DGKG: variants seen among roughly 807,000 people sequenced by gnomAD.
DGKG encodes diacylglycerol kinase gamma.
Under a neutral mutation model 105.3 loss-of-function variants are expected in DGKG, and 78 were observed. The observed-to-expected ratio is 0.74, with a 90% CI of 0.62 to 0.89. The LOEUF (loss-of-function observed/expected upper bound fraction) is 0.89, where lower values mean the gene tolerates loss of function less well. Among genes scored for constraint, DGKG ranks in the 40% least tolerant of loss-of-function variants. The pLI, the probability that DGKG is intolerant of heterozygous loss-of-function variation, is 0.00. For synonymous variants in DGKG, 346 were observed against 367.1 expected (o/e 0.94, Z 0.66); for missense variants, 958 against 1,020.1 (o/e 0.94, Z 0.83).
At chr3:186,317,467 C>T (rs748867292) in intron 2 of DGKG, among the ~76,000 whole-genome samples, 87 of 152,316 alleles carry the variant, frequency 5.7e-4, no homozygotes, top group Middle Eastern at 3.4e-3. Context: ...GCAGGATTCC[C>T]CAGGATGGGG....
At chr3:186,355,635 C>T (rs1388499977) in intron 1 of DGKG, among the ~76,000 whole-genome samples, 8 of 151,716 alleles carry the variant, frequency 5.3e-5, no homozygotes. Context: ...ACTGCCACCA[C>T]TATCACCAGC....
chr3:186,222,001 G>A lies in DGKG; in HGVS notation c.1827-10116C>T, dbSNP rs542228209. ...GCTGCTTTATGCACCCAAGGGTCGC[G>A]CTCTTTTGATCCTCACGTCTACCCC... On this transcript the variant is annotated intron_variant, in intron 20 of 24. Coordinates refer to ENST00000265022, the MANE Select transcript of DGKG (RefSeq NM_001346.3). Among the ~76,000 whole-genome samples the A allele has an allele frequency of 2.6e-5, 4 of 152,296 alleles. No individual in the cohort carries two copies. The East Asian group carries it at 7.7e-4, about 29-fold the overall frequency.
At chr3:186,331,983 T>G (rs1486623482) in intron 1 of DGKG, among the ~76,000 whole-genome samples, 1 of 144,870 alleles carries the variant, frequency 6.9e-6, no homozygotes, top group Non-Finnish European at 1.5e-5. Context: ...TAGTAAATGA[T>G]GAGACTGTAT....
intron 9 of DGKG, among the ~76,000 whole-genome samples, chr3:186,276,510 G>A (rs1226345082): frequency 6.6e-6 from 1 of 152,184 alleles, no homozygotes; most frequent in African/African-American, 2.4e-5. Context: ...AGATGAAAGA[G>A]TTTAGTAAAA....
chr3:186,305,597 G>A (rs1724197053), intron 3 of DGKG, among the ~76,000 whole-genome samples: 1 of 152,194 alleles, frequency 6.6e-6, no homozygotes, highest in Non-Finnish European at 1.5e-5. Flanking sequence ...TGCTCAGGAT[G>A]TGTGTGAAGA....
chr3:186,322,752 C>T (rs530402543), intron 1 of DGKG, among the ~76,000 whole-genome samples: 2 of 152,224 alleles, frequency 1.3e-5, no homozygotes, highest in South Asian at 2.1e-4. Flanking sequence ...TATTCAGATG[C>T]CTTAATCCAG....
chr3:186,242,444 G>T, intron 20 of DGKG, 60 bp downstream of exon 20: 1 of 1,432,914 alleles, frequency 7.0e-7, no homozygotes, highest in Non-Finnish European at 9.5e-7. Flanking sequence ...CAGGTGAAAG[G>T]CCTCTGTTCC....
chr3:186,307,815 T>C (rs192324964), intron 2 of DGKG, among the ~76,000 whole-genome samples: 2 of 151,802 alleles, frequency 1.3e-5, no homozygotes, highest in Non-Finnish European at 2.9e-5. Flanking sequence ...TCCTTGGTGC[T>C]GAAACACTGT....
intron 1 of DGKG, among the ~76,000 whole-genome samples, chr3:186,322,172 G>A (rs1725111816): frequency 6.6e-6 from 1 of 152,122 alleles, no homozygotes; most frequent in Admixed American, 6.5e-5. Flanking sequence ...TATAGAATCA[G>A]CCTAAATGCC....
chr3:186,219,853 T>C (rs1273718289), intron 20 of DGKG, among the ~76,000 whole-genome samples: 1 of 152,196 alleles, frequency 6.6e-6, no homozygotes, highest in Non-Finnish European at 1.5e-5. Context: ...GTCATTTCCA[T>C]GTGTGAGAAA....
rs570254450 is a variant in DGKG at position 186,354,791 on chromosome 3, A to G, written c.-249+7155T>C. Among the ~76,000 whole-genome samples the G allele has an allele frequency of 2.3e-4, 35 of 152,322 alleles. No individual in the cohort carries two copies. In the South Asian group the frequency reaches 7.3e-3, roughly 32 times the overall value. On this transcript the variant is annotated intron_variant, in intron 1 of 24. Transcript: ENST00000265022. ...AGCTTCTTCAGAAAAGGAAGTGAAA[A>G]GAGGAGTTATGCCCTGGAGAAGGCA...
chr3:186,253,651 A>G (rs558556134), intron 17 of DGKG, among the ~76,000 whole-genome samples: 1 of 152,340 alleles, frequency 6.6e-6, no homozygotes, highest in East Asian at 1.9e-4. Context: ...AACACGCTCA[A>G]TCTCATCTGA....
Position 186,164,852 on chromosome 3 carries a change from C to T in DGKG, c.2216+46G>A, listed in dbSNP as rs752335112. On this transcript the variant is annotated intron_variant, in intron 23 of 24. Coordinates refer to ENST00000265022, the MANE Select transcript of DGKG (RefSeq NM_001346.3). Reference sequence around the variant, plus strand: ...TCTCAGTTGTCTGCATGAATGTGTACGCAGGCGGGGAGATGCAGAGGCTGT... The same window carrying T: ...TCTCAGTTGTCTGCATGAATGTGTATGCAGGCGGGGAGATGCAGAGGCTGT... 1.5e-5 allele frequency: 24 copies of T among 1,577,354 alleles called. No homozygotes were observed. In the South Asian group the frequency reaches 1.9e-4, roughly 12 times the overall value.
chr3:186,208,136 G>A (rs1317423146), intron 21 of DGKG, among the ~76,000 whole-genome samples: 1 of 151,906 alleles, frequency 6.6e-6, no homozygotes, highest in African/African-American at 2.4e-5. Context: ...CTGCCTCCCA[G>A]GCTGAAGCCA....
Position 186,149,516 on chromosome 3 carries a change from G to A in DGKG, c.*574C>T, listed in dbSNP as rs577857877. ...CACAGCCTTTCTGCCTCTTCAGCAG[G>A]TTCACGGAGAAGTTGTCACTCAAAG... is the stretch of plus-strand genomic sequence containing the variant. On this transcript the variant is annotated 3_prime_UTR_variant, in exon 25 of 25. Coordinates refer to ENST00000265022, the MANE Select transcript of DGKG (RefSeq NM_001346.3). The A allele has an allele frequency of 1.1e-5, 11 of 985,464 alleles. No individual in the cohort carries two copies. The South Asian group carries it at 4.7e-4, about 42-fold the overall frequency. 61.0% of individuals were successfully genotyped at this position (985,464 alleles called of 1,614,324 possible).
In DGKG at chr3:186,210,504, C is replaced by T. The variant is rs551377148; in HGVS notation, c.1917+1291G>A. Among the ~76,000 whole-genome samples, 6 of 152,222 alleles carry T rather than the reference C, an allele frequency of 3.9e-5. No homozygotes were observed. Among genetic ancestry groups the T allele is most frequent in the Non-Finnish European group, 7.3e-5 (5 of 68,042 alleles). On this transcript the variant is annotated intron_variant, in intron 21 of 24. Coordinates refer to ENST00000265022, the MANE Select transcript of DGKG (RefSeq NM_001346.3). The surrounding 1 kb of genome is among the most constrained non-coding windows in gnomAD (Gnocchi z 5.2). ...CAAAAGTTCAGGGGATTAGCCAGAT[C>T]GGCGCCTCCCACCCTGGCGTTGGTA...
intron 21 of DGKG, among the ~76,000 whole-genome samples, chr3:186,196,027 A>G (rs1288991250): frequency 1.3e-5 from 2 of 152,034 alleles, no homozygotes; most frequent in African/African-American, 4.8e-5. Context: ...TAATGGTAGG[A>G]TACCCTAGCA....
chr3:186,188,332 A>G lies in DGKG; in HGVS notation c.1965T>C (p.Ile655=). ...VDLSNIFLEG[I]AILNIPSMYG... ...ACATGCTGGGAATGTTGAGAATGGC[A>G]ATGCCTTCCAGGAAGATGTTGCTCA... Residue 655 remains isoleucine, a synonymous_variant, in exon 22 of 25, where the codon ATT becomes ATC. Transcript: ENST00000265022. 1 of 1,614,110 alleles carries G rather than the reference A, an allele frequency of 6.2e-7. No individual in the cohort carries two copies. Among genetic ancestry groups the G allele is most frequent in the Non-Finnish European group, 8.5e-7 (1 of 1,180,026 alleles).
intron 1 of DGKG, among the ~76,000 whole-genome samples, chr3:186,334,894 A>G (rs1725758145): frequency 2.0e-5 from 3 of 152,190 alleles, no homozygotes; most frequent in Admixed American, 1.3e-4. Flanking sequence ...AGAAAATGCA[A>G]ATATATCTGT....
Sources: allele counts gnomAD v4.1 joint callset (sites outside exome capture counted in the v4.1 genomes callset), GRCh38; gene constraint gnomAD v4.1.1; non-coding constraint Gnocchi (gnomAD v3.1); transcripts MANE v1.5; gene names NCBI Gene and HGNC (gene_info 2026-07-23, HGNC 2026-07-21).